Variants in HNF4A observed in about 807,000 individuals in gnomAD.
The protein encoded by HNF4A is hepatocyte nuclear factor 4-alpha.
HNF4A carries 15 observed loss-of-function variants against 52.4 expected under a neutral mutation model. That is an observed-to-expected ratio of 0.29 (90% confidence interval 0.19 to 0.44). The LOEUF (loss-of-function observed/expected upper bound fraction) is 0.44, where lower values mean the gene tolerates loss of function less well. HNF4A is among the 20% of genes least tolerant of loss of function. The pLI is 1.00. For synonymous variants in HNF4A, 280 were observed against 264.4 expected, an observed-to-expected ratio of 1.06 and a Z score of -0.57; for missense variants, 479 against 647.2, an observed-to-expected ratio of 0.74 and a Z score of 2.82.
chr20:44,415,305 T>C (rs1195145752), intron 5 of HNF4A, among the ~76,000 whole-genome samples: 1 of 152,236 alleles, frequency 6.6e-6, no homozygotes, highest in African/African-American at 2.4e-5. Context: ...CATTAGTTTC[T>C]TCCTTGTTTC....
At chr20:44,373,207 T>G (rs1018701218) in intron 1 of HNF4A, among the ~76,000 whole-genome samples, 1 of 152,174 alleles carries the variant, frequency 6.6e-6, no homozygotes, top group Non-Finnish European at 1.5e-5. Context: ...TGGAGTGCAG[T>G]GGCATAGTCA....
chr20:44,378,913 C>T (rs1245833217), intron 1 of HNF4A, among the ~76,000 whole-genome samples: 1 of 82,416 alleles, frequency 1.2e-5, no homozygotes, highest in East Asian at 4.1e-4. Flanking sequence ...AGAGAGACCC[C>T]GTCTCAAAAA....
At chr20:44,384,809 T>C (rs2063199353) in intron 1 of HNF4A, 1 of 151,976 alleles carries the variant, frequency 6.6e-6, no homozygotes, top group African/African-American at 2.4e-5. Context: ...GCATAAAAGA[T>C]GGGTCTAGAG....
At chr20:44,411,834 T>C (rs2063588092) in intron 3 of HNF4A, among the ~76,000 whole-genome samples, 1 of 151,418 alleles carries the variant, frequency 6.6e-6, no homozygotes, top group African/African-American at 2.4e-5. Context: ...GCTGAGTGGA[T>C]CACTTAAAGC....
chr20:44,366,577 C>T (rs1308212627), intron 1 of HNF4A, among the ~76,000 whole-genome samples: 4 of 152,006 alleles, frequency 2.6e-5, no homozygotes, highest in Non-Finnish European at 4.4e-5. Context: ...GCCAAGATCA[C>T]GCCACTGTAC....
At chr20:44,366,024 G>A (rs1189688985) in intron 1 of HNF4A, among the ~76,000 whole-genome samples, 1 of 152,050 alleles carries the variant, frequency 6.6e-6, no homozygotes, top group Non-Finnish European at 1.5e-5. Context: ...GGTCAAGGCA[G>A]AAAAATTGCC....
Position 44,420,795 on chromosome 20 carries a change from G to T in HNF4A, c.892+919G>T, listed in dbSNP as rs576147296. The stretch of plus-strand genomic sequence containing the variant: ...ATTGCACCACTGCACTCCAGTCTGG[G>T]TGACAAAGCAAGACCTCATCTAAAA... On this transcript the variant is annotated intron_variant, in intron 7 of 9. Transcript: ENST00000316099. 1.3e-3 allele frequency among the ~76,000 whole-genome samples: 195 copies of T among 152,232 alleles called. 1 individual carries two copies. The highest frequency in any genetic ancestry group is 1.0e-3 in the Non-Finnish European group (71 of 68,030).
chr20:44,355,735 G>A, exon 1 of HNF4A: 1 of 1,404,160 alleles, frequency 7.1e-7, no homozygotes, highest in Non-Finnish European at 1.0e-6. Context: ...GCTCCTGGTG[G>A]CTGTGCTGCT....
chr20:44,416,059 G>T (rs1487890324), intron 5 of HNF4A, among the ~76,000 whole-genome samples: 1 of 152,110 alleles, frequency 6.6e-6, no homozygotes, highest in Admixed American at 6.5e-5. Context: ...CCTGGCTGGG[G>T]CTCAGAGCAT....
intron 1 of HNF4A, among the ~76,000 whole-genome samples, chr20:44,391,162 AGCTTGTCTCATC>A (rs1268321620): frequency 7.9e-5 from 12 of 151,932 alleles, no homozygotes; most frequent in Non-Finnish European, 1.8e-4. Flanking sequence ...CCTCACCCAG[AGCTTGTCTCATC>A]GGCCATGCTT....
intron 8 of HNF4A, chr20:44,424,716 C>T (rs1353053872): frequency 4.4e-6 from 3 of 675,174 alleles, no homozygotes; most frequent in Admixed American, 4.0e-5. Flanking sequence ...GACTCTTGTG[C>T]TAAGACCCTA....
chr20:44,428,499 CTG>C lies in HNF4A; in HGVS notation c.1282+13_1282+14del, dbSNP rs1376953208. On this transcript the variant is annotated intron_variant, in intron 9 of 9. Transcript: ENST00000316099. ...CAGGGGACAGGCAGGTGGGCAAACT[CTG>C]GGATTTTACCTTGCAAAGGGTGAGG... The C allele has an allele frequency of 1.9e-6, 3 of 1,613,106 alleles. No homozygotes were observed. The highest frequency in any genetic ancestry group is 3.3e-5 in the Admixed American group (2 of 59,874).
intron 1 of HNF4A, among the ~76,000 whole-genome samples, chr20:44,358,833 G>A (rs1455346387): frequency 3.9e-5 from 6 of 152,048 alleles, no homozygotes; most frequent in African/African-American, 9.7e-5. Context: ...AACAGTCCTG[G>A]GTCCAGAGCA....
intron 1 of HNF4A, among the ~76,000 whole-genome samples, chr20:44,368,288 T>A (rs2062995242): frequency 6.7e-6 from 1 of 149,428 alleles, no homozygotes; most frequent in Non-Finnish European, 1.5e-5. Context: ...TGCCTCAGCT[T>A]CCTGAGTGGC....
At chr20:44,374,313 G>A (rs750227466) in intron 1 of HNF4A, among the ~76,000 whole-genome samples, 14 of 152,120 alleles carry the variant, frequency 9.2e-5, no homozygotes, top group Non-Finnish European at 1.8e-4. Flanking sequence ...ACACGACTTT[G>A]TTCCCTTTTT....
chr20:44,379,639 C>A (rs1430086598), intron 1 of HNF4A, among the ~76,000 whole-genome samples: 1 of 151,920 alleles, frequency 6.6e-6, no homozygotes, highest in Non-Finnish European at 1.5e-5. Context: ...GCAAACTTCT[C>A]CTCCAGGGTT....
chr20:44,414,557 T>G lies in HNF4A; in HGVS notation c.543T>G (p.Ile181Met). The change falls in exon 5 of 10, where the codon ATT becomes ATG. Residue 181 changes from isoleucine (I) to methionine (M), a missense_variant. Ile to Met is a conservative substitution (Grantham distance 10). Coordinates refer to ENST00000316099, the MANE Select transcript of HNF4A (RefSeq NM_000457.6). ...ACGGCGACATTCGGGCGAAGAAGAT[T>G]GCCAGCATCGCAGATGTGTGTGAGT... 6.2e-7 allele frequency: 1 copy of G among 1,614,228 alleles called. No homozygotes were observed.
At chr20:44,398,823 A>G (rs1401061481), upstream of HNF4A, among the ~76,000 whole-genome samples, 2 of 152,204 alleles carry the variant, frequency 1.3e-5, no homozygotes, top group East Asian at 1.9e-4. Flanking sequence ...ATTTAATTGA[A>G]TCTAAGATGT....
chr20:44,430,369 G>T lies in HNF4A; in HGVS notation c.*704G>T, dbSNP rs1434933585. ...TCATCCTCCTTCTTCAGGGACTTGG[G>T]TGGGTACTTGGGTGAGGATCCCTGA... On this transcript the variant is annotated 3_prime_UTR_variant, in exon 10 of 10. Coordinates refer to ENST00000316099, the MANE Select transcript of HNF4A (RefSeq NM_000457.6). 6.6e-6 allele frequency: 1 copy of T among 152,452 alleles called. No homozygotes were observed. Among genetic ancestry groups the T allele is most frequent in the African/African-American group, 2.4e-5 (1 of 41,448 alleles). 9.4% of individuals were successfully genotyped at this position (152,452 alleles called of 1,614,324 possible). A position where few individuals can be genotyped will look rare whatever the true frequency, so the allele number is the denominator to read the frequency against.
Sources: allele counts gnomAD v4.1 joint callset (sites outside exome capture counted in the v4.1 genomes callset), GRCh38; gene constraint gnomAD v4.1.1; transcripts MANE v1.5; gene names NCBI Gene and HGNC (gene_info 2026-07-23, HGNC 2026-07-21).